The following ZNF730 variants were observed in gnomAD, a reference collection of about 807,000 sequenced individuals.
The protein encoded by ZNF730 is putative zinc finger protein 730.
In ZNF730, 12 loss-of-function variants were observed where a neutral mutation model predicts 12.6. That is an observed-to-expected ratio of 0.95 (90% confidence interval 0.61 to 1.54). ZNF730 has a LOEUF of 1.54. Among genes scored for constraint, ZNF730 ranks in the 40% most tolerant of loss-of-function variants. The pLI is 0.00. For synonymous variants in ZNF730, 194 were observed against 195.8 expected, an observed-to-expected ratio of 0.99 and a Z score of 0.08; for missense variants, 643 against 583.5, an observed-to-expected ratio of 1.10 and a Z score of -1.05.
upstream of ZNF730, among the ~76,000 whole-genome samples, chr19:23,114,659 G>A (rs1022250325): frequency 2.0e-5 from 3 of 151,964 alleles, no homozygotes; most frequent in African/African-American, 7.3e-5. Context: ...CCCTAAAGTT[G>A]TTTTTCTTTT....
intron 1 of ZNF730, among the ~76,000 whole-genome samples, chr19:23,125,242 A>G (rs1970648490): frequency 6.6e-6 from 1 of 152,130 alleles, no homozygotes; most frequent in Non-Finnish European, 1.5e-5. Context: ...GACTAATACA[A>G]AAAATTGTTA....
At chr19:23,108,951 T>C (rs1970427675) in intron 1 of ZNF730, among the ~76,000 whole-genome samples, 1 of 152,080 alleles carries the variant, frequency 6.6e-6, no homozygotes, top group South Asian at 2.1e-4. Flanking sequence ...GGTTTTGCTA[T>C]GTTGGCCAGG....
intron 1 of ZNF730, among the ~76,000 whole-genome samples, chr19:23,093,077 G>T (rs981048490): frequency 6.6e-6 from 1 of 152,038 alleles, no homozygotes; most frequent in African/African-American, 2.4e-5. Flanking sequence ...TGTAACCTCC[G>T]CCTCCCGGGT....
intron 1 of ZNF730, among the ~76,000 whole-genome samples, chr19:23,102,321 C>T (rs1038139094): frequency 1.3e-5 from 2 of 151,968 alleles, no homozygotes; most frequent in Non-Finnish European, 2.9e-5. Context: ...GTTGAGTATT[C>T]AGGTGATGTG....
At chr19:23,087,385 G>A (rs1434926461) in intron 1 of ZNF730, among the ~76,000 whole-genome samples, 2 of 152,042 alleles carry the variant, frequency 1.3e-5, no homozygotes, top group Non-Finnish European at 1.5e-5. Context: ...TCCAGCCTGG[G>A]AGACAGAGCA....
At chr19:23,077,518 A>T (rs1256961051) in intron 1 of ZNF730, among the ~76,000 whole-genome samples, 14 of 129,772 alleles carry the variant, frequency 1.1e-4, no homozygotes, top group Non-Finnish European at 2.2e-4. Context: ...GCTCACTGCA[A>T]CCTCCAACTC....
intron 2 of ZNF730, among the ~76,000 whole-genome samples, chr19:23,135,628 G>A (rs1031056179): frequency 7.9e-5 from 12 of 151,298 alleles, no homozygotes; most frequent in Admixed American, 5.3e-4. Context: ...CTCCTGCCTC[G>A]GCCTCTTGAG....
At position 23,146,441 on chromosome 19, in the gene ZNF730, C is replaced by T. The variant is rs1357592896; in HGVS notation, c.1397C>T (p.Thr466Ile). 1 of 1,608,964 alleles carries T rather than the reference C, an allele frequency of 6.2e-7. No homozygotes were observed. Among genetic ancestry groups the T allele is most frequent in the African/African-American group, 1.4e-5 (1 of 73,774 alleles). The change falls in exon 4 of 4, where the codon ACC (threonine) becomes ATC (isoleucine). Residue 466 changes from threonine to isoleucine, a missense_variant. Transcript: ENST00000597761. ...ECGKAFNRSS[T>I]LTTHKIIHSG... is the part of the protein sequence containing the mutation. Reference sequence around the variant, plus strand: ...GGCAAAGCTTTTAACCGGTCCTCAACCCTCACTACACATAAGATAATTCAT... The same window carrying T: ...GGCAAAGCTTTTAACCGGTCCTCAATCCTCACTACACATAAGATAATTCAT...
chr19:23,119,106 G>T (rs908634798), intron 1 of ZNF730, among the ~76,000 whole-genome samples: 6 of 152,162 alleles, frequency 3.9e-5, no homozygotes, highest in African/African-American at 1.4e-4. Flanking sequence ...GGTGAGAGAA[G>T]GCATTCTTGC....
Position 23,146,046 on chromosome 19 carries a change from T to A in ZNF730, c.1002T>A (p.His334Gln). Residue 334 changes from histidine to glutamine, a missense_variant, in exon 4 of 4, where the codon CAT (histidine) becomes CAA (glutamine). By Grantham distance (24) the His-to-Gln change is conservative. Transcript: ENST00000597761. ...SSTLTKHKRI[H>Q]NGEKPYKCEE... ...CCCTTACAAAACATAAAAGAATTCA[T>A]AATGGAGAAAAACCCTACAAATGTG... 1 of 1,611,478 alleles carries A rather than the reference T, an allele frequency of 6.2e-7. No individual in the cohort carries two copies.
At chr19:23,110,628 A>G (rs1315580661) in intron 1 of ZNF730, among the ~76,000 whole-genome samples, 2 of 152,296 alleles carry the variant, frequency 1.3e-5, no homozygotes, top group East Asian at 3.9e-4. Flanking sequence ...GTCTAATTCT[A>G]ATGCAGTTTC....
chr19:23,124,723 T>C (rs1266380294), intron 1 of ZNF730, among the ~76,000 whole-genome samples: 1 of 152,228 alleles, frequency 6.6e-6, no homozygotes, highest in East Asian at 1.9e-4. Context: ...GGTACTCAGA[T>C]GATAGTTTCC....
chr19:23,146,763 C>T lies in ZNF730; in HGVS notation c.*207C>T, dbSNP rs900425929. On this transcript the variant is annotated 3_prime_UTR_variant, in exon 4 of 4. Transcript: ENST00000597761. ...TGGCAAAGTCTTCAACCAATCTTCA[C>T]ACCTTACTACACATAAGATAATTCA... is the stretch of plus-strand genomic sequence containing the variant. The T allele has an allele frequency of 6.6e-6, 7 of 1,059,354 alleles. No individual in the cohort carries two copies. The highest frequency in any genetic ancestry group is 5.0e-5 in the South Asian group (4 of 79,406). The allele number at this position is 1,059,354 out of a possible 1,614,324, so 65.6% of individuals were successfully genotyped here. A position where few individuals can be genotyped will look rare whatever the true frequency, so the allele number is the denominator to read the frequency against.
At chr19:23,125,760 G>A in intron 1 of ZNF730, 1 of 171,160 alleles carries the variant, frequency 5.8e-6, no homozygotes. Flanking sequence ...ACTATTCTTG[G>A]AAATGCTTGA....
rs1970934116 is a variant in ZNF730, at chr19:23,142,344, A to G, written c.227-2927A>G. Among the ~76,000 whole-genome samples, 4 of 152,210 alleles carry G rather than the reference A, an allele frequency of 2.6e-5. 1 individual carries two copies. In the South Asian group the frequency reaches 8.3e-4, roughly 32 times the overall value. On this transcript the variant is annotated intron_variant, in intron 3 of 3. Transcript: ENST00000597761. ...ATCTCAAGTGACTTGTAGAAAGGCA[A>G]GTTGGATCTTGGTTTTTAAAATGTT...
At chr19:23,116,141 A>C (rs994581008), upstream of ZNF730, among the ~76,000 whole-genome samples, 2 of 152,160 alleles carry the variant, frequency 1.3e-5, no homozygotes, top group Non-Finnish European at 2.9e-5. Context: ...TTTTGCCTTT[A>C]ATCTGTTTTC....
intron 1 of ZNF730, among the ~76,000 whole-genome samples, chr19:23,129,601 C>A (rs1970719755): frequency 7.1e-6 from 1 of 140,636 alleles, no homozygotes; most frequent in Non-Finnish European, 1.5e-5. Flanking sequence ...AGGGAAGTAA[C>A]TAACTTGCTT....
chr19:23,146,190 T>A lies in ZNF730; in HGVS notation c.1146T>A (p.Thr382=), dbSNP rs754190116. Residue 382 remains threonine (T), a synonymous_variant, in exon 4 of 4, where the codon ACT becomes ACA. Transcript: ENST00000597761. ...GTAAAGCTTTTAACCAATCCTCAAC[T>A]CTTACTATACATAAGATAATTCATA... ...ECGKAFNQSS[T]LTIHKIIHTV... 2 of 1,608,500 alleles carry A rather than the reference T, an allele frequency of 1.2e-6. No individual in the cohort carries two copies. Among genetic ancestry groups the A allele is most frequent in the East Asian group, 2.2e-5 (1 of 44,604 alleles).
At position 23,147,016 on chromosome 19, in the gene ZNF730, G is replaced by A; in HGVS notation, c.*460G>A. On this transcript the variant is annotated 3_prime_UTR_variant, in exon 4 of 4. Coordinates refer to ENST00000597761, the MANE Select transcript of ZNF730 (RefSeq NM_001277403.2). ...CATTAAATTGTTGTCACATTTAATT[G>A]TAGGTAAGGTGATTCATACTGGAGA... The A allele has an allele frequency of 3.3e-6, 1 of 306,948 alleles. No individual in the cohort carries two copies. The highest frequency in any genetic ancestry group is 3.9e-5 in the South Asian group (1 of 25,802). The allele number at this position is 306,948 out of a possible 1,614,324, so 19.0% of individuals were successfully genotyped here. A position where few individuals can be genotyped will look rare whatever the true frequency, so the allele number is the denominator to read the frequency against.
Sources: gnomAD v4.1 joint callset for allele counts (sites outside exome capture counted in the v4.1 genomes callset) on GRCh38, gnomAD v4.1.1 for gene constraint, MANE v1.5 for transcripts, NCBI Gene and HGNC (gene_info 2026-07-23, HGNC 2026-07-21) for gene names.